FRMD3: variants seen among roughly 807,000 people sequenced by gnomAD.
FRMD3 encodes FERM domain-containing protein 3.
FRMD3 carries 33 observed loss-of-function variants against 70.2 expected under a neutral mutation model. That is an observed-to-expected ratio of 0.47 (90% CI 0.36 to 0.63). The LOEUF (loss-of-function observed/expected upper bound fraction) is 0.63, where lower values mean the gene tolerates loss of function less well. FRMD3 is among the 20% of genes least tolerant of loss of function. The pLI, the probability that FRMD3 is intolerant of heterozygous loss-of-function variation, is 0.00. For missense variants in FRMD3, 632 were observed against 711.4 expected (o/e 0.89, Z 1.27); for synonymous variants, 279 against 255.9 (o/e 1.09, Z -0.86).
chr9:83,541,152 C>T (rs1290421166), upstream of FRMD3, among the ~76,000 whole-genome samples: 1 of 152,176 alleles, frequency 6.6e-6, no homozygotes, highest in Non-Finnish European at 1.5e-5. Context: ...CCTCTCCCAC[C>T]ATCTCTGACT....
At chr9:83,310,368 C>T in intron 9 of FRMD3, 117 bp downstream of exon 9, 1 of 818,042 alleles carries the variant, frequency 1.2e-6, no homozygotes, top group Non-Finnish European at 2.0e-6. Flanking sequence ...CTTTCATTAT[C>T]ACCATACACT....
intron 1 of FRMD3, among the ~76,000 whole-genome samples, chr9:83,465,943 G>C (rs900228439): frequency 6.6e-6 from 1 of 152,146 alleles, no homozygotes; most frequent in Non-Finnish European, 1.5e-5. Context: ...TGCCTGCAAG[G>C]ACCCATCTAC....
rs767945795 is a variant in FRMD3, at chr9:83,248,056, T to C, written c.1656A>G (p.Ser552=). 1 of 1,614,114 alleles carries C rather than the reference T, an allele frequency of 6.2e-7. No homozygotes were observed. Among genetic ancestry groups the C allele is most frequent in the Non-Finnish European group, 8.5e-7 (1 of 1,180,032 alleles). Reference sequence around the variant, plus strand: ...CGCATAAGAAGGAGAGATCAATACCTGACTCCAAAAGGAGGAGGAGCAGGG... The same window carrying C: ...CGCATAAGAAGGAGAGATCAATACCCGACTCCAAAAGGAGGAGGAGCAGGG... ...VFPLLLLLLE[S]GIDLSFLCEI... is the part of the protein sequence containing the mutation. The change falls in exon 14 of 14, where the codon TCA becomes TCG. Residue 552 remains serine (S), a synonymous_variant. Coordinates refer to ENST00000304195, the MANE Select transcript of FRMD3 (RefSeq NM_174938.6).
chr9:83,344,142 C>G (rs544554210), intron 4 of FRMD3, among the ~76,000 whole-genome samples: 1 of 152,388 alleles, frequency 6.6e-6, no homozygotes, highest in South Asian at 2.1e-4. Flanking sequence ...TGATCAAGCT[C>G]TCTTCCAATT....
At chr9:83,439,594 C>T (rs769724652) in intron 1 of FRMD3, among the ~76,000 whole-genome samples, 2 of 152,218 alleles carry the variant, frequency 1.3e-5, no homozygotes, top group Non-Finnish European at 2.9e-5. Flanking sequence ...AGAGGAAAGA[C>T]GAAACCCCAT....
chr9:83,548,388 G>C, the FRMD3 span, among the ~76,000 whole-genome samples: 1 of 152,116 alleles, frequency 6.6e-6, no homozygotes, highest in African/African-American at 2.4e-5. Context: ...GATAATACTC[G>C]ATGATTAAAA....
intron 1 of FRMD3, among the ~76,000 whole-genome samples, chr9:83,496,042 T>A (rs1388940263): frequency 6.6e-6 from 1 of 152,238 alleles, no homozygotes; most frequent in Non-Finnish European, 1.5e-5. Flanking sequence ...AAGCTAGTAC[T>A]TTAGAAGTAT....
Position 83,402,966 on chromosome 9 carries a change from C to T in FRMD3, c.148-13258G>A, listed in dbSNP as rs139616013. ...TTGCCCAGGCTGTAGTACAATGGCG[C>T]GATCTTGGCTCACTGCAACCTCCGC... On this transcript the variant is annotated intron_variant, in intron 1 of 13. Coordinates refer to ENST00000304195, the MANE Select transcript of FRMD3 (RefSeq NM_174938.6). Among the ~76,000 whole-genome samples, 647 of 138,698 alleles carry T rather than the reference C, an allele frequency of 4.7e-3. 3 individuals are homozygous for T. The highest frequency in any genetic ancestry group is 0.017 in the African/African-American group (614 of 36,952). 91.0% of individuals were successfully genotyped at this position (138,698 alleles called of 152,430 possible).
intron 1 of FRMD3, among the ~76,000 whole-genome samples, chr9:83,427,544 C>A (rs1442115891): frequency 6.6e-6 from 1 of 152,124 alleles, no homozygotes; most frequent in Non-Finnish European, 1.5e-5. Flanking sequence ...TCATTCAGTA[C>A]CTGTTAGGTA....
the FRMD3 span, among the ~76,000 whole-genome samples, chr9:83,544,534 T>G: frequency 6.6e-6 from 1 of 152,010 alleles, no homozygotes; most frequent in Admixed American, 6.6e-5. Flanking sequence ...AAAGATCAAG[T>G]ATATACCCAT....
chr9:83,577,925 C>T, the FRMD3 span, among the ~76,000 whole-genome samples: 1 of 151,342 alleles, frequency 6.6e-6, no homozygotes. Context: ...AATTGACAAA[C>T]TCTTAGGCTA....
chr9:83,439,890 G>A (rs868516098), intron 1 of FRMD3, among the ~76,000 whole-genome samples: 29 of 152,130 alleles, frequency 1.9e-4, no homozygotes, highest in Middle Eastern at 6.8e-3. Flanking sequence ...AGGAGAAACT[G>A]GTAGAAAGAC....
chr9:83,368,934 A>T (rs903947488), intron 3 of FRMD3, among the ~76,000 whole-genome samples: 2 of 151,926 alleles, frequency 1.3e-5, no homozygotes, highest in Non-Finnish European at 2.9e-5. Flanking sequence ...GGCTCACTTC[A>T]ACCTCCAACT....
Position 83,306,118 on chromosome 9 carries a change from C to T in FRMD3, c.926+3418G>A, listed in dbSNP as rs113302270. 5.2e-3 allele frequency among the ~76,000 whole-genome samples: 799 copies of T among 152,260 alleles called. 8 individuals are homozygous for T. The highest frequency in any genetic ancestry group is 0.018 in the African/African-American group (749 of 41,544). On this transcript the variant is annotated intron_variant, in intron 10 of 13. Coordinates refer to ENST00000304195, the MANE Select transcript of FRMD3 (RefSeq NM_174938.6). ...ACTGACTTCCTCATATATGATAAAA[C>T]AACGTGCGTGAAATAGCAAATGAAT... is the stretch of plus-strand genomic sequence containing the variant.
At chr9:83,579,153 A>G in the FRMD3 span, among the ~76,000 whole-genome samples, 2 of 152,004 alleles carry the variant, frequency 1.3e-5, no homozygotes, top group Non-Finnish European at 2.9e-5. Flanking sequence ...CTGATGAAAT[A>G]ATAGGAGGAA....
At chr9:83,439,460 T>C (rs1827234846) in intron 1 of FRMD3, among the ~76,000 whole-genome samples, 1 of 152,210 alleles carries the variant, frequency 6.6e-6, no homozygotes, top group Non-Finnish European at 1.5e-5. Context: ...CAGTCTTCAC[T>C]GGTTACAGCC....
chr9:83,317,540 C>T (rs17086147), intron 6 of FRMD3, among the ~76,000 whole-genome samples: 42,681 of 152,102 alleles, frequency 0.28, 6,098 homozygotes, highest in African/African-American at 0.34. Flanking sequence ...CACCACCTTT[C>T]TAAAAGCTAC....
the FRMD3 span, among the ~76,000 whole-genome samples, chr9:83,572,899 C>T: frequency 6.6e-6 from 1 of 152,122 alleles, no homozygotes; most frequent in Non-Finnish European, 1.5e-5. Flanking sequence ...TTATCTTTTC[C>T]TGTTATTGAA....
chr9:83,548,498 C>A, the FRMD3 span, among the ~76,000 whole-genome samples: 3 of 152,050 alleles, frequency 2.0e-5, no homozygotes, highest in Non-Finnish European at 4.4e-5. Context: ...TGTATTATTC[C>A]AACTGTATAA....
Sources: gnomAD v4.1 joint callset for allele counts (sites outside exome capture counted in the v4.1 genomes callset) on GRCh38, gnomAD v4.1.1 for gene constraint, MANE v1.5 for transcripts, NCBI Gene and HGNC (gene_info 2026-07-23, HGNC 2026-07-21) for gene names.